ANK1: variants seen among roughly 807,000 people sequenced by gnomAD.
ANK1 encodes the protein ankyrin 1, also known as ankyrin-1.
In ANK1, 51 loss-of-function variants were observed where a neutral mutation model predicts 210.4. That is an observed-to-expected ratio of 0.24 (90% CI 0.19 to 0.31). The LOEUF (loss-of-function observed/expected upper bound fraction) is 0.31, where lower values mean the gene tolerates loss of function less well. Among genes scored for constraint, ANK1 ranks in the 10% least tolerant of loss-of-function variants. ANK1 has a pLI of 1.00. For missense variants in ANK1, 2,051 were observed against 2,504.4 expected (o/e 0.82, Z 3.86); for synonymous variants, 967 against 1,025.9 (o/e 0.94, Z 1.10).
Position 41,655,729 on chromosome 8 carries a change from A to T in ANK1, c.*61T>A, listed in dbSNP as rs1424093431. 6.2e-7 allele frequency: 1 copy of T among 1,613,960 alleles called. No individual in the cohort carries two copies. ...GTGCATGGCAGAGTGTGTGGGGTTC[A>T]GGGGTTGGGTGTCGAGGTGTGATCC... On this transcript the variant is annotated 3_prime_UTR_variant, in exon 43 of 43. Transcript: ENST00000289734.
chr8:41,658,871 C>A (rs746679204), intron 42 of ANK1, among the ~76,000 whole-genome samples: 2 of 151,666 alleles, frequency 1.3e-5, no homozygotes, highest in Non-Finnish European at 2.9e-5. Context: ...CCAGCCTGGG[C>A]GACAGAGCGA....
At chr8:41,852,670 T>G (rs1283039145) in intron 1 of ANK1, among the ~76,000 whole-genome samples, 1 of 152,234 alleles carries the variant, frequency 6.6e-6, no homozygotes, top group East Asian at 1.9e-4. Context: ...AAACATCCTT[T>G]GCCTGGTCAC....
At chr8:41,670,483 G>A (rs375696413) in intron 38 of ANK1, among the ~76,000 whole-genome samples, 20 of 152,246 alleles carry the variant, frequency 1.3e-4, no homozygotes, top group African/African-American at 2.6e-4. Context: ...AGGAATGGCC[G>A]TCCCAGGAAG....
chr8:41,731,164 A>G (rs1027016030), intron 3 of ANK1, among the ~76,000 whole-genome samples: 10 of 152,218 alleles, frequency 6.6e-5, no homozygotes, highest in African/African-American at 2.4e-4. Flanking sequence ...CCCCTGGCCT[A>G]AGTTGTGGGA....
chr8:41,840,263 T>C (rs1048447795), intron 1 of ANK1: 2 of 152,170 alleles, frequency 1.3e-5, no homozygotes, highest in East Asian at 1.9e-4. Flanking sequence ...CTGATTGACA[T>C]AGCGCACTAA....
intron 1 of ANK1, among the ~76,000 whole-genome samples, chr8:41,793,001 A>T (rs1586984237): frequency 6.6e-6 from 1 of 152,222 alleles, no homozygotes; most frequent in Non-Finnish European, 1.5e-5. Context: ...GAGTTTCTGA[A>T]TATTATATAA....
At chr8:41,798,508 C>T (rs1258400267), upstream of ANK1, among the ~76,000 whole-genome samples, 1 of 152,226 alleles carries the variant, frequency 6.6e-6, no homozygotes. Context: ...AGGCCAAGCT[C>T]CTGCAGGCCT....
rs1245426320 is a variant in ANK1 at position 41,688,215 on chromosome 8, G to A, written c.4199C>T (p.Thr1400Ile). The change falls in exon 35 of 43, where the codon ACA becomes ATA. Residue 1400 changes from threonine (T) to isoleucine (I), a missense_variant. Physicochemically the swap from Thr to Ile is moderately conservative, Grantham distance 89. This residue lies in a region of ANK1 where 1,413 missense variants were observed against 1,707.4 expected (regional missense o/e 0.83). Transcript: ENST00000289734. Reference sequence around the variant, plus strand: ...AGCCATCTTCATCTCTGCCTGCTCTGTCCCACTGAGAGAACCTGGGGAGAA... The same window carrying A: ...AGCCATCTTCATCTCTGCCTGCTCTATCCCACTGAGAGAACCTGGGGAGAA... ...SESTPGSLSG[T>I]EQAEMKMAVI... 1 of 1,614,238 alleles carries A rather than the reference G, an allele frequency of 6.2e-7. No individual in the cohort carries two copies. The highest frequency in any genetic ancestry group is 2.2e-5 in the East Asian group (1 of 44,890).
Position 41,690,604 on chromosome 8 carries a change from A to G in ANK1, c.3859-5T>C. On this transcript the variant is annotated splice_region_variant and splice_polypyrimidine_tract_variant and intron_variant, in intron 31 of 42. Transcript: ENST00000289734. The stretch of plus-strand genomic sequence containing the variant: ...CAGGGACATTCCTTCCAACACCTGC[A>G]GGAGAGGAAAAGCAGATACAGCTTG... 4 of 1,611,796 alleles carry G rather than the reference A, an allele frequency of 2.5e-6. No homozygotes were observed. The highest frequency in any genetic ancestry group is 3.4e-6 in the Non-Finnish European group (4 of 1,179,984).
upstream of ANK1, among the ~76,000 whole-genome samples, chr8:41,798,208 C>T (rs1414286540): frequency 2.0e-5 from 3 of 151,528 alleles, no homozygotes; most frequent in Admixed American, 6.5e-5. Flanking sequence ...CTCCGCCCCC[C>T]GGGGAGGCTG....
At chr8:41,805,090 T>C (rs1850730393) in intron 1 of ANK1, among the ~76,000 whole-genome samples, 1 of 151,914 alleles carries the variant, frequency 6.6e-6, no homozygotes. Context: ...GTGTCGTGTG[T>C]GTGTGTGTGT....
intron 1 of ANK1, among the ~76,000 whole-genome samples, chr8:41,791,054 C>A (rs1377025244): frequency 1.3e-5 from 2 of 152,152 alleles, no homozygotes; most frequent in African/African-American, 2.4e-5. Flanking sequence ...GCACAAGCCG[C>A]TAATAGGTTT....
chr8:41,872,269 G>A (rs11992826), intron 1 of ANK1, among the ~76,000 whole-genome samples: 61 of 152,324 alleles, frequency 4.0e-4, no homozygotes, highest in African/African-American at 1.4e-3. Context: ...ACAGGTAAGG[G>A]GACTGAGTCC....
At chr8:41,820,185 G>T (rs13262554) in intron 1 of ANK1, among the ~76,000 whole-genome samples, 2 of 150,800 alleles carry the variant, frequency 1.3e-5, no homozygotes, top group Non-Finnish European at 1.5e-5. Flanking sequence ...TTTTAGATGG[G>T]GTCTCACTCT....
chr8:41,681,505 C>G (rs369491657), intron 37 of ANK1, among the ~76,000 whole-genome samples: 3 of 152,386 alleles, frequency 2.0e-5, no homozygotes, highest in East Asian at 3.9e-4. Flanking sequence ...CAGCCTCAGG[C>G]TTCTAATTCC....
At chr8:41,809,327 A>G (rs1802123729) in intron 1 of ANK1, among the ~76,000 whole-genome samples, 2 of 152,286 alleles carry the variant, frequency 1.3e-5, no homozygotes. Context: ...CTTCCAAGCC[A>G]GCAGGAGGTT....
At chr8:41,687,004 C>T (rs1817863317) in intron 35 of ANK1, among the ~76,000 whole-genome samples, 1 of 152,204 alleles carries the variant, frequency 6.6e-6, no homozygotes. Flanking sequence ...TGCATACACA[C>T]ATGCACACAC....
Position 41,748,913 on chromosome 8 carries a change from T to C in ANK1, c.129+9123A>G, listed in dbSNP as rs555155754. ...AGCCGGGCGTGGTGGCGGGCACCTG[T>C]AGTCCCAGCTACTTGGGGGGCTGAG... On this transcript the variant is annotated intron_variant, in intron 2 of 42. Transcript: ENST00000289734. Among the ~76,000 whole-genome samples, 39 of 152,142 alleles carry C rather than the reference T, an allele frequency of 2.6e-4. No homozygotes were observed. In the South Asian group the frequency reaches 8.1e-3, roughly 32 times the overall value.
At chr8:41,737,683 A>G (rs1284469889) in intron 2 of ANK1, among the ~76,000 whole-genome samples, 2 of 152,208 alleles carry the variant, frequency 1.3e-5, no homozygotes, top group African/African-American at 4.8e-5. Context: ...GTCACCCTAA[A>G]TCACTTCCAA....
Sources: gnomAD v4.1 joint callset for allele counts (sites outside exome capture counted in the v4.1 genomes callset) on GRCh38, gnomAD v4.1.1 for gene constraint, gnomAD v4.1.1 regional missense constraint, MANE v1.5 for transcripts, NCBI Gene and HGNC (gene_info 2026-07-23, HGNC 2026-07-21) for gene names.